Variants in PRICKLE1 observed in about 807,000 individuals in gnomAD.
The protein encoded by PRICKLE1 is prickle-like protein 1.
PRICKLE1 carries 14 observed loss-of-function variants against 70.2 expected under a neutral mutation model. That is an observed-to-expected ratio of 0.20 (90% CI 0.13 to 0.31). The LOEUF (loss-of-function observed/expected upper bound fraction) is 0.31, where lower values mean the gene tolerates loss of function less well. Among genes scored for constraint, PRICKLE1 ranks in the 10% least tolerant of loss-of-function variants. PRICKLE1 has a pLI of 1.00. For synonymous variants in PRICKLE1, 357 were observed against 379.9 expected (o/e 0.94, Z 0.70); for missense variants, 821 against 1,026.2 (o/e 0.80, Z 2.73).
chr12:42,581,616 A>G (rs1268049149), intron 1 of PRICKLE1, among the ~76,000 whole-genome samples: 2 of 151,846 alleles, frequency 1.3e-5, no homozygotes, highest in African/African-American at 4.8e-5. Context: ...GCGTGGTGGC[A>G]TATGCCTGTA....
In PRICKLE1 at chr12:42,513,451, C is replaced by A. The variant is rs150322085; in HGVS notation, c.-48-40887G>T. ...CTTGTAGTCCCAGCTACTCAGGAGG[C>A]TGAGGCAGAAGAAGTGCTTGAATCC... On this transcript the variant is annotated intron_variant, in intron 1 of 7. Coordinates refer to ENST00000345127, the MANE Select transcript of PRICKLE1 (RefSeq NM_153026.3). 8.5e-5 allele frequency among the ~76,000 whole-genome samples: 13 copies of A among 152,246 alleles called. No individual in the cohort carries two copies. In the East Asian group the frequency reaches 2.5e-3, roughly 29 times the overall value.
intron 1 of PRICKLE1, among the ~76,000 whole-genome samples, chr12:42,526,453 A>G (rs1939801232): frequency 6.6e-6 from 1 of 152,130 alleles, no homozygotes; most frequent in Non-Finnish European, 1.5e-5. Context: ...TGGAGCTGGA[A>G]AGTGAATAGT....
Position 42,488,992 on chromosome 12 carries a change from C to T in PRICKLE1, c.-48-16428G>A, listed in dbSNP as rs1469229965. On this transcript the variant is annotated intron_variant, in intron 1 of 7. Transcript: ENST00000345127. ...AGGCTGCAGTGCAATGGCACAATCT[C>T]GGCACACCACAACCTCCGCCTCCCA... Among the ~76,000 whole-genome samples the T allele has an allele frequency of 3.3e-5, 5 of 149,260 alleles. No individual in the cohort carries two copies. In the East Asian group the frequency reaches 5.9e-4, roughly 18 times the overall value.
intron 1 of PRICKLE1, among the ~76,000 whole-genome samples, chr12:42,528,662 T>C (rs552626361): frequency 2.6e-5 from 4 of 152,366 alleles, no homozygotes; most frequent in Admixed American, 2.6e-4. Context: ...GAATTTTTCA[T>C]ATTCTGTCAA....
chr12:42,576,712 C>G (rs540168081), intron 1 of PRICKLE1, among the ~76,000 whole-genome samples: 5 of 152,342 alleles, frequency 3.3e-5, no homozygotes, highest in Admixed American at 1.3e-4. Context: ...AATTCAAAAA[C>G]TTAATCTCAG....
At chr12:42,584,030 C>T (rs1197098531) in intron 1 of PRICKLE1, among the ~76,000 whole-genome samples, 1 of 151,982 alleles carries the variant, frequency 6.6e-6, no homozygotes, top group Non-Finnish European at 1.5e-5. Flanking sequence ...AGATTTAAAC[C>T]ACCAGTTTTA....
At chr12:42,509,328 A>C (rs1179797574) in intron 1 of PRICKLE1, among the ~76,000 whole-genome samples, 1 of 152,244 alleles carries the variant, frequency 6.6e-6, no homozygotes, top group Non-Finnish European at 1.5e-5. Context: ...AAAAGTTGGA[A>C]AGCAAAATTG....
At chr12:42,472,618 T>A (rs1164122596) in intron 1 of PRICKLE1, 54 bp from the exon 2 acceptor site, 1 of 1,454,932 alleles carries the variant, frequency 6.9e-7, no homozygotes, top group African/African-American at 1.4e-5. Flanking sequence ...TGCATTTCTC[T>A]TACCCCCGAC....
At chr12:42,568,725 C>T (rs1259301476) in intron 1 of PRICKLE1, among the ~76,000 whole-genome samples, 1 of 152,106 alleles carries the variant, frequency 6.6e-6, no homozygotes, top group Non-Finnish European at 1.5e-5. Flanking sequence ...GGTACAGGTG[C>T]AGATTTCTTA....
chr12:42,552,602 G>A (rs75882224), intron 1 of PRICKLE1, among the ~76,000 whole-genome samples: 11,985 of 152,268 alleles, frequency 0.079, 711 homozygotes, highest in East Asian at 0.28. Flanking sequence ...GGGTCCCATC[G>A]TCAGAAGGAA....
intron 1 of PRICKLE1, among the ~76,000 whole-genome samples, chr12:42,516,669 G>A (rs1305416944): frequency 3.9e-5 from 6 of 152,106 alleles, no homozygotes; most frequent in African/African-American, 1.4e-4. Flanking sequence ...GCTACTGGAA[G>A]CCATCTGTCT....
At chr12:42,579,449 T>G (rs1442785593) in intron 1 of PRICKLE1, among the ~76,000 whole-genome samples, 1 of 152,266 alleles carries the variant, frequency 6.6e-6, no homozygotes, top group Non-Finnish European at 1.5e-5. Context: ...CAGCTCTCAA[T>G]TTATTTCAAG....
At chr12:42,549,119 C>CAA (rs34355848) in intron 1 of PRICKLE1, among the ~76,000 whole-genome samples, 1,309 of 52,714 alleles carry the variant, frequency 0.025, 3 homozygotes, top group East Asian at 0.043. Flanking sequence ...ACCCTGTCTC[C>CAA]AAAAAAAAAA....
chr12:42,586,419 G>A (rs894707213), intron 1 of PRICKLE1, among the ~76,000 whole-genome samples: 9 of 150,926 alleles, frequency 6.0e-5, no homozygotes, highest in Non-Finnish European at 2.9e-5. Flanking sequence ...CAGAGATGGG[G>A]TCTAACAATG....
At chr12:42,534,758 G>T (rs896915546) in intron 1 of PRICKLE1, among the ~76,000 whole-genome samples, 14 of 151,876 alleles carry the variant, frequency 9.2e-5, no homozygotes, top group African/African-American at 3.4e-4. Context: ...GTGGGAAAAG[G>T]AACAGTTTTT....
chr12:42,464,266 C>T lies in PRICKLE1; in HGVS notation c.1639+129G>A. ...GAACTCCTGACCTCAAATGATCTGC[C>T]CACCTCAGCCTCCCATAGTGCTGGA... On this transcript the variant is annotated intron_variant, in intron 7 of 7. Transcript: ENST00000345127. The surrounding 1 kb of genome is among the most constrained non-coding windows in gnomAD (Gnocchi z 4.2). The T allele has an allele frequency of 8.7e-7, 1 of 1,153,172 alleles. No homozygotes were observed. Among genetic ancestry groups the T allele is most frequent in the Non-Finnish European group, 1.3e-6 (1 of 771,458 alleles). The allele number at this position is 1,153,172 out of a possible 1,614,324, so 71.4% of individuals were successfully genotyped here. A position where few individuals can be genotyped will look rare whatever the true frequency, so the allele number is the denominator to read the frequency against.
chr12:42,540,753 G>A lies in PRICKLE1; in HGVS notation c.-49+48712C>T, dbSNP rs550407947. ...ATTTTGTATTTTTAGTAGAGATAGG[G>A]TTTCACTATGTTGGTCAGGCTGGTC... On this transcript the variant is annotated intron_variant, in intron 1 of 7. Transcript: ENST00000345127. 4.7e-4 allele frequency among the ~76,000 whole-genome samples: 72 copies of A among 152,126 alleles called. 2 individuals carry two copies. In the South Asian group the frequency reaches 0.015, roughly 32 times the overall value.
chr12:42,569,259 A>G (rs961227740), intron 1 of PRICKLE1, among the ~76,000 whole-genome samples: 3 of 152,256 alleles, frequency 2.0e-5, no homozygotes, highest in Admixed American at 2.0e-4. Flanking sequence ...TTTAAAGTAT[A>G]TATGGAATCA....
At chr12:42,498,042 T>C (rs1939238513) in intron 1 of PRICKLE1, among the ~76,000 whole-genome samples, 1 of 152,186 alleles carries the variant, frequency 6.6e-6, no homozygotes, top group South Asian at 2.1e-4. Flanking sequence ...TGGGTCTCAC[T>C]ATGTTGTTCA....
Sources: gnomAD v4.1 joint callset for allele counts (sites outside exome capture counted in the v4.1 genomes callset) on GRCh38, gnomAD v4.1.1 for gene constraint, Gnocchi (gnomAD v3.1) non-coding constraint, MANE v1.5 for transcripts, NCBI Gene and HGNC (gene_info 2026-07-23, HGNC 2026-07-21) for gene names.